The following ASIC2 variants were observed in gnomAD, a reference collection of about 807,000 sequenced individuals.
The protein encoded by ASIC2 is acid-sensing ion channel 2.
ASIC2 carries 25 observed loss-of-function variants against 57.3 expected under a neutral mutation model. The ratio of observed to expected loss-of-function variants is 0.44; its 90% CI spans 0.32 to 0.61. The LOEUF is 0.61. ASIC2 is among the 20% of genes least tolerant of loss of function. The pLI is 0.06. For missense variants in ASIC2, 641 were observed against 738.1 expected (o/e 0.87, Z 1.52); for synonymous variants, 319 against 307.5 (o/e 1.04, Z -0.39).
intron 1 of ASIC2, among the ~76,000 whole-genome samples, chr17:33,372,395 G>A (rs1397781886): frequency 3.9e-5 from 6 of 152,098 alleles, no homozygotes; most frequent in Non-Finnish European, 8.8e-5. Flanking sequence ...TAGGACATAG[G>A]ATCAAAGCTC....
intron 3 of ASIC2, among the ~76,000 whole-genome samples, chr17:33,044,374 ATTT>A (rs2091943056): frequency 6.6e-6 from 1 of 151,326 alleles, no homozygotes; most frequent in Admixed American, 6.6e-5. Flanking sequence ...AATATTTTTT[ATTT>A]TTTTATTTTT....
chr17:33,685,108 C>T (rs180846110), intron 1 of ASIC2, among the ~76,000 whole-genome samples: 7 of 152,260 alleles, frequency 4.6e-5, no homozygotes, highest in Non-Finnish European at 7.3e-5. Context: ...TTCTGGTTCC[C>T]CCTGGGGGGG....
intron 1 of ASIC2, among the ~76,000 whole-genome samples, chr17:33,588,679 A>G (rs1418631510): frequency 2.0e-5 from 3 of 152,240 alleles, no homozygotes; most frequent in Non-Finnish European, 4.4e-5. Context: ...ACAAGATCGC[A>G]TCACAGGCTC....
intron 3 of ASIC2, among the ~76,000 whole-genome samples, chr17:33,076,574 G>T (rs1350557300): frequency 6.6e-6 from 1 of 152,324 alleles, no homozygotes; most frequent in Admixed American, 6.5e-5. Flanking sequence ...CAGTATGGTA[G>T]GCACCACTCT....
chr17:33,536,731 G>T (rs1915242035), intron 1 of ASIC2, among the ~76,000 whole-genome samples: 1 of 152,182 alleles, frequency 6.6e-6, no homozygotes, highest in Non-Finnish European at 1.5e-5. Context: ...GTGAGGCCAG[G>T]TGCAGTGGCT....
At chr17:33,863,242 T>A (rs781343095) in intron 1 of ASIC2, among the ~76,000 whole-genome samples, 50 of 152,370 alleles carry the variant, frequency 3.3e-4, no homozygotes, top group Middle Eastern at 6.8e-3. Context: ...GAAGCCCTGA[T>A]GGAGAGAAGA....
intron 1 of ASIC2, among the ~76,000 whole-genome samples, chr17:33,461,457 C>T (rs1454145805): frequency 6.6e-6 from 1 of 152,148 alleles, no homozygotes; most frequent in Non-Finnish European, 1.5e-5. Context: ...CTTTGATATT[C>T]CCCAGGGCCC....
intron 1 of ASIC2, among the ~76,000 whole-genome samples, chr17:33,940,744 C>A (rs1916172580): frequency 6.6e-6 from 1 of 152,192 alleles, no homozygotes; most frequent in South Asian, 2.1e-4. Context: ...GACTGTTAAG[C>A]AAAACACAGA....
chr17:33,976,470 C>T (rs1905390990), intron 1 of ASIC2: 1 of 152,108 alleles, frequency 6.6e-6, no homozygotes, highest in African/African-American at 2.4e-5. Flanking sequence ...TTTTCCAACT[C>T]ACCTGTGCTC....
chr17:33,499,729 G>A (rs546356760), intron 1 of ASIC2, among the ~76,000 whole-genome samples: 2 of 152,244 alleles, frequency 1.3e-5, no homozygotes, highest in Non-Finnish European at 2.9e-5. Context: ...AGAGTGACAC[G>A]TAACTTTTGC....
At position 33,683,538 on chromosome 17, in the gene ASIC2, GT is replaced by G. The variant is rs537430063; in HGVS notation, c.555+472439del. Among the ~76,000 whole-genome samples the G allele has an allele frequency of 2.6e-4, 40 of 151,668 alleles. No individual in the cohort carries two copies. In the East Asian group the frequency reaches 5.0e-3, roughly 19 times the overall value. On this transcript the variant is annotated intron_variant, in intron 1 of 9. Coordinates refer to the ASIC2 transcript ENST00000359872. ...AGGCACATGCCATCATGCCCAGATA[GT>G]TTTTTTTTAAAAATCTTGTAGAGAT...
At chr17:33,058,470 CAAAAAA>C (rs10612611) in intron 3 of ASIC2, among the ~76,000 whole-genome samples, 4 of 109,718 alleles carry the variant, frequency 3.6e-5, no homozygotes, top group South Asian at 3.1e-4. Context: ...TCTGAGAAGT[CAAAAAA>C]AAAAAAAAAA....
intron 1 of ASIC2, among the ~76,000 whole-genome samples, chr17:34,012,563 G>A (rs963868345): frequency 6.6e-6 from 1 of 152,048 alleles, no homozygotes; most frequent in Non-Finnish European, 1.5e-5. Flanking sequence ...TTTTCCTGAT[G>A]AGCCCTCTCA....
At chr17:33,101,998 T>G (rs2092213853) in intron 2 of ASIC2, among the ~76,000 whole-genome samples, 2 of 152,144 alleles carry the variant, frequency 1.3e-5, no homozygotes, top group Non-Finnish European at 2.9e-5. Context: ...ACAAGGGCCA[T>G]CCCTTGTGGA....
rs114552784 is a variant in ASIC2 at position 33,661,294 on chromosome 17, T to C, written c.555+494684A>G. Among the ~76,000 whole-genome samples, 341 of 152,364 alleles carry C rather than the reference T, an allele frequency of 2.2e-3. 3 individuals are homozygous for C. Among genetic ancestry groups the C allele is most frequent in the African/African-American group, 8.0e-3 (331 of 41,588 alleles). On this transcript the variant is annotated intron_variant, in intron 1 of 9. Coordinates refer to the ASIC2 transcript ENST00000359872. ...AGCTCAGAAAATAGTTCCTATCTTA[T>C]GTGCGTTATACTCTTCAAGAAGGTA...
chr17:34,010,159 G>A (rs1036736562), intron 1 of ASIC2, among the ~76,000 whole-genome samples: 2 of 152,172 alleles, frequency 1.3e-5, no homozygotes, highest in African/African-American at 4.8e-5. Flanking sequence ...CTTAACTATT[G>A]GGCAGTGGGG....
intron 1 of ASIC2, among the ~76,000 whole-genome samples, chr17:33,547,859 T>A (rs1402771744): frequency 6.6e-6 from 1 of 152,176 alleles, no homozygotes; most frequent in Admixed American, 6.5e-5. Flanking sequence ...GTTCCAGCAC[T>A]GCCCAGGCAC....
intron 1 of ASIC2, among the ~76,000 whole-genome samples, chr17:34,044,463 G>A (rs28645912): frequency 0.32 from 48,412 of 151,966 alleles, 8,968 homozygotes; most frequent in African/African-American, 0.52. Flanking sequence ...AGCAGAGAAC[G>A]GAGAGGTGGG....
intron 1 of ASIC2, among the ~76,000 whole-genome samples, chr17:33,926,609 C>T (rs1915826686): frequency 6.6e-6 from 1 of 152,212 alleles, no homozygotes; most frequent in African/African-American, 2.4e-5. Context: ...ACCATTATTC[C>T]TGACTCTGAA....
Sources: gnomAD v4.1 joint callset for allele counts (sites outside exome capture counted in the v4.1 genomes callset) on GRCh38, gnomAD v4.1.1 for gene constraint, MANE v1.5 for transcripts, NCBI Gene and HGNC (gene_info 2026-07-23, HGNC 2026-07-21) for gene names.